The following GPATCH2L variants were observed in gnomAD, a reference collection of about 807,000 sequenced individuals.
GPATCH2L encodes G-patch domain containing 2 like, also known as G patch domain-containing protein 2-like.
A neutral mutation model predicts 57.4 loss-of-function variants in GPATCH2L; 31 were observed. That is an observed-to-expected ratio of 0.54 (90% confidence interval 0.41 to 0.73). The LOEUF is 0.73. GPATCH2L is among the 30% of genes least tolerant of loss of function. The pLI, the probability that GPATCH2L is intolerant of heterozygous loss-of-function variation, is 0.00. For synonymous variants in GPATCH2L, 199 were observed against 210.7 expected (o/e 0.94, Z 0.48); for missense variants, 481 against 599.9 (o/e 0.80, Z 2.07).
chr14:76,190,515 G>T (rs1210700929), intron 8 of GPATCH2L, among the ~76,000 whole-genome samples: 1 of 152,088 alleles, frequency 6.6e-6, no homozygotes, highest in Non-Finnish European at 1.5e-5. Flanking sequence ...CCCAGGTTTC[G>T]CTGGCCTGAG....
chr14:76,189,793 G>A (rs965518319), intron 8 of GPATCH2L, among the ~76,000 whole-genome samples: 15 of 152,030 alleles, frequency 9.9e-5, no homozygotes, highest in Admixed American at 9.2e-4. Context: ...TTAGAAGAGA[G>A]GCCTTTCAGT....
rs2039760652 is a variant in GPATCH2L, at chr14:76,186,244, T to A, written c.1193+5395T>A. On this transcript the variant is annotated intron_variant, in intron 8 of 9. Transcript: ENST00000261530. ...TATAAGAGGAGGCATTTGGACAGAG[T>A]TGGGGTTAAAAAAAAAGAGAGAGAG... Among the ~76,000 whole-genome samples the A allele has an allele frequency of 3.3e-5, 5 of 151,810 alleles. 1 individual carries two copies. In the South Asian group the frequency reaches 1.0e-3, roughly 32 times the overall value.
Position 76,173,791 on chromosome 14 carries a change from G to T in GPATCH2L, c.984+166G>T, listed in dbSNP as rs183315508. ...AGTGAACATTATGTAGAATGTGAAT[G>T]GATATACAAATAAAAGATGAAACGT... On this transcript the variant is annotated intron_variant, in intron 5 of 9. Coordinates refer to ENST00000261530, the MANE Select transcript of GPATCH2L (RefSeq NM_017926.4). 1,868 of 535,024 alleles carry T rather than the reference G, an allele frequency of 3.5e-3. 10 individuals are homozygous for T. Among genetic ancestry groups the T allele is most frequent in the Middle Eastern group, 7.1e-3 (15 of 2,102 alleles). The allele number at this position is 535,024 out of a possible 1,614,324, so 33.1% of individuals were successfully genotyped here.
chr14:76,184,534 A>G (rs1300276331), intron 8 of GPATCH2L, among the ~76,000 whole-genome samples: 1 of 152,142 alleles, frequency 6.6e-6, no homozygotes. Flanking sequence ...ATGACCTAAA[A>G]TCCTCTCTTG....
chr14:76,201,577 C>A, intron 9 of GPATCH2L, 114 bp from the exon 10 acceptor site: 1 of 629,166 alleles, frequency 1.6e-6, no homozygotes, highest in Non-Finnish European at 2.5e-6. Flanking sequence ...GTTACTAGGA[C>A]ATGAAGTATA....
chr14:76,186,130 A>G (rs927695777), intron 8 of GPATCH2L, among the ~76,000 whole-genome samples: 2 of 152,228 alleles, frequency 1.3e-5, no homozygotes, highest in South Asian at 2.1e-4. Context: ...GATAATTGCA[A>G]TTTTAAAAAC....
intron 8 of GPATCH2L, among the ~76,000 whole-genome samples, chr14:76,191,589 A>G (rs2039966105): frequency 6.6e-6 from 1 of 151,944 alleles, no homozygotes; most frequent in South Asian, 2.1e-4. Flanking sequence ...CTAAGCACCC[A>G]ACTTCCTTCT....
chr14:76,177,165 C>T (rs913503399), intron 6 of GPATCH2L, among the ~76,000 whole-genome samples: 1 of 152,090 alleles, frequency 6.6e-6, no homozygotes, highest in African/African-American at 2.4e-5. Context: ...CCCACTTTGG[C>T]CTCTTGAGTA....
At chr14:76,222,648 TTA>T (rs965892390) in intron 1 of GPATCH2L, among the ~76,000 whole-genome samples, 2 of 150,938 alleles carry the variant, frequency 1.3e-5, no homozygotes, top group Non-Finnish European at 2.9e-5. Context: ...TTTGAATTGT[TTA>T]TATCTGTTTA....
In GPATCH2L at chr14:76,223,759, A is replaced by G. The variant is rs566634642; in HGVS notation, c.66-6049A>G. Among the ~76,000 whole-genome samples, 30 of 152,350 alleles carry G rather than the reference A, an allele frequency of 2.0e-4. 1 individual carries two copies. Among genetic ancestry groups the G allele is most frequent in the South Asian group, 1.2e-3 (6 of 4,826 alleles). ...ACCAAAAGGTAAACAATCCAATTTA[A>G]AAATGGGCAAAAAGACTCGAGTAAG... On this transcript the variant is annotated intron_variant and NMD_transcript_variant, in intron 1 of 3. Coordinates refer to the GPATCH2L transcript ENST00000556372.
At chr14:76,160,988 T>C (rs187299910) in intron 2 of GPATCH2L, among the ~76,000 whole-genome samples, 1 of 152,226 alleles carries the variant, frequency 6.6e-6, no homozygotes, top group African/African-American at 2.4e-5. Context: ...TTCATGGCAC[T>C]GTCTGAATGA....
intron 1 of GPATCH2L, among the ~76,000 whole-genome samples, chr14:76,227,715 T>C (rs1407138151): frequency 1.1e-5 from 1 of 93,044 alleles, no homozygotes; most frequent in East Asian, 3.5e-4. Context: ...TTGGATAAAG[T>C]ACTACTTACA....
intron 7 of GPATCH2L, among the ~76,000 whole-genome samples, chr14:76,180,221 A>G (rs2039508319): frequency 6.6e-6 from 1 of 152,038 alleles, no homozygotes; most frequent in Non-Finnish European, 1.5e-5. Flanking sequence ...CATTTAACAG[A>G]TAAGGATAGT....
chr14:76,182,602 A>G lies in GPATCH2L; in HGVS notation c.1193+1753A>G, dbSNP rs889299675. Among the ~76,000 whole-genome samples, 582 of 149,538 alleles carry G rather than the reference A, an allele frequency of 3.9e-3. 3 individuals carry two copies. Among genetic ancestry groups the G allele is most frequent in the African/African-American group, 0.013 (532 of 40,770 alleles). On this transcript the variant is annotated intron_variant, in intron 8 of 9. Transcript: ENST00000261530. ...CCCTGTCTCAAAAAAAAAAAAAAAA[A>G]AAAAGAAAAGAATGTGGAAAATTGT...
At chr14:76,233,244 G>A (rs1301746557) in intron 2 of GPATCH2L, among the ~76,000 whole-genome samples, 1 of 152,178 alleles carries the variant, frequency 6.6e-6, no homozygotes, top group Non-Finnish European at 1.5e-5. Context: ...TGCTTCCCAA[G>A]ACGAGACCAA....
intron 8 of GPATCH2L, 96 bp downstream of exon 8, chr14:76,180,945 C>G (rs2039538193): frequency 2.7e-6 from 2 of 743,488 alleles, no homozygotes; most frequent in East Asian, 5.1e-5. Flanking sequence ...GTACAGTATC[C>G]AATTTGATCC....
In GPATCH2L at chr14:76,206,327, C is replaced by T. The variant is rs1021304813; in HGVS notation, c.*4476C>T. On this transcript the variant is annotated 3_prime_UTR_variant, in exon 10 of 10. Transcript: ENST00000261530. Reference sequence around the variant, plus strand: ...TGTGTTAACGTCTCCAAAAGATGAACATCAAATGCCCGGAAACAGCAACAT... The same window carrying T: ...TGTGTTAACGTCTCCAAAAGATGAATATCAAATGCCCGGAAACAGCAACAT... The T allele has an allele frequency of 5.9e-5, 9 of 152,138 alleles. No individual in the cohort carries two copies. Among genetic ancestry groups the T allele is most frequent in the African/African-American group, 2.4e-5 (1 of 41,404 alleles). 9.4% of individuals were successfully genotyped at this position (152,138 alleles called of 1,614,324 possible).
chr14:76,211,552 G>A lies in GPATCH2L; in HGVS notation c.*9701G>A, dbSNP rs1375273075. On this transcript the variant is annotated 3_prime_UTR_variant, in exon 10 of 10. Transcript: ENST00000261530. ...CTGAGGTTATTCCCCTTGAACCACC[G>A]ACTTAGTAGAGTTTAATGCACAATG... 6.6e-6 allele frequency: 1 copy of A among 152,168 alleles called. No individual in the cohort carries two copies. Among genetic ancestry groups the A allele is most frequent in the African/African-American group, 2.4e-5 (1 of 41,434 alleles). The allele number at this position is 152,168 out of a possible 1,614,324, so 9.4% of individuals were successfully genotyped here. A position where few individuals can be genotyped will look rare whatever the true frequency, so the allele number is the denominator to read the frequency against.
chr14:76,212,611 C>T lies in GPATCH2L; in HGVS notation c.*10760C>T, dbSNP rs2040454417. Reference sequence around the variant, plus strand: ...AGATCAAGTGGATAAAAAACTAGGACATGGGATGATTTAAATAAGATACAG... The same window carrying T: ...AGATCAAGTGGATAAAAAACTAGGATATGGGATGATTTAAATAAGATACAG... On this transcript the variant is annotated 3_prime_UTR_variant, in exon 10 of 10. Coordinates refer to ENST00000261530, the MANE Select transcript of GPATCH2L (RefSeq NM_017926.4). The T allele has an allele frequency of 6.6e-6, 1 of 152,078 alleles. No homozygotes were observed. The highest frequency in any genetic ancestry group is 1.5e-5 in the Non-Finnish European group (1 of 67,996). The allele number at this position is 152,078 out of a possible 1,614,324, so 9.4% of individuals were successfully genotyped here.
Sources: allele counts gnomAD v4.1 joint callset (sites outside exome capture counted in the v4.1 genomes callset), GRCh38; gene constraint gnomAD v4.1.1; transcripts MANE v1.5; gene names NCBI Gene and HGNC (gene_info 2026-07-23, HGNC 2026-07-21).